PUDP: variants seen among roughly 807,000 people sequenced by gnomAD.
PUDP encodes pseudouridine 5'-phosphatase, also known as pseudouridine-5'-phosphatase.
A neutral mutation model predicts 9.4 loss-of-function variants in PUDP; 8 were observed. That is an observed-to-expected ratio of 0.85 (90% CI 0.50 to 1.53). The LOEUF is 1.53. Ranked by LOEUF, PUDP falls within the 40% of genes most tolerant of loss-of-function variation. The pLI is 0.00. For missense variants in PUDP, 188 were observed against 189.7 expected, an observed-to-expected ratio of 0.99 and a Z score of 0.05; for synonymous variants, 99 against 80.7, an observed-to-expected ratio of 1.23 and a Z score of -1.22.
intron 2 of PUDP, among the ~76,000 whole-genome samples, chrX:7,096,968 C>T (rs1277768663): frequency 9.0e-6 from 1 of 111,165 alleles, no homozygotes; most frequent in African/African-American, 3.3e-5. Flanking sequence ...TTTCATGAGA[C>T]ACACTGGAAA....
At chrX:6,752,223 T>C (rs1163274612) in intron 3 of PUDP, among the ~76,000 whole-genome samples, 1 of 111,816 alleles carries the variant, frequency 8.9e-6, no homozygotes, top group Non-Finnish European at 1.9e-5. Context: ...CTTCACTCGA[T>C]TGCTTCTTCT....
chrX:6,970,827 G>T (rs995292000), intron 3 of PUDP, among the ~76,000 whole-genome samples: 13 of 110,925 alleles, frequency 1.2e-4, no homozygotes, highest in Non-Finnish European at 2.5e-4. Flanking sequence ...ACTTTGGGAG[G>T]CTGAGGTGGG....
chrX:6,788,183 T>C (rs186498798), intron 3 of PUDP, among the ~76,000 whole-genome samples: 330 of 112,058 alleles, frequency 2.9e-3, no homozygotes, highest in Non-Finnish European at 5.0e-3. Flanking sequence ...GACCAGTCTG[T>C]TTTTCACTTT....
At chrX:6,772,130 C>T (rs1375608470) in intron 3 of PUDP, among the ~76,000 whole-genome samples, 1 of 112,210 alleles carries the variant, frequency 8.9e-6, no homozygotes, top group African/African-American at 3.2e-5. Context: ...AATCACAGTG[C>T]ACATCACTCC....
intron 3 of PUDP, among the ~76,000 whole-genome samples, chrX:6,867,282 A>G (rs1927101149): frequency 8.9e-6 from 1 of 112,162 alleles, no homozygotes. Flanking sequence ...ATGTTCAACA[A>G]CAAATGCTTT....
intron 1 of PUDP, among the ~76,000 whole-genome samples, chrX:7,024,754 C>CTT (rs55692944): frequency 0.083 from 4,531 of 54,436 alleles, 517 homozygotes; most frequent in Middle Eastern, 0.21. Flanking sequence ...GCCCGGCTAA[C>CTT]TTTTTTTTTT....
chrX:6,725,797 C>CTCTTA (rs1321477144), upstream of PUDP, among the ~76,000 whole-genome samples: 1 of 111,985 alleles, frequency 8.9e-6, no homozygotes, highest in African/African-American at 3.2e-5. Flanking sequence ...GAAAAGGGAA[C>CTCTTA]TCTTATACAC....
At chrX:7,073,870 G>A (rs180919034) in intron 3 of PUDP, among the ~76,000 whole-genome samples, 2 of 112,903 alleles carry the variant, frequency 1.8e-5, no homozygotes, top group East Asian at 5.5e-4. Flanking sequence ...TTTAAAAAAT[G>A]CAACTGCTCA....
At chrX:7,082,806 G>A (rs1328807609) in intron 2 of PUDP, among the ~76,000 whole-genome samples, 2 of 112,691 alleles carry the variant, frequency 1.8e-5, no homozygotes, top group African/African-American at 3.2e-5. Context: ...TTTCTTAGGG[G>A]CTACTTTTGC....
At chrX:6,712,100 C>T (rs892500936) in intron 1 of PUDP, among the ~76,000 whole-genome samples, 25 of 111,965 alleles carry the variant, frequency 2.2e-4, no homozygotes, top group African/African-American at 7.8e-4. Flanking sequence ...CCAAAGGATG[C>T]AATGCCCTCA....
chrX:7,142,058 C>T (rs1037258187), intron 1 of PUDP, among the ~76,000 whole-genome samples: 52 of 112,331 alleles, frequency 4.6e-4, no homozygotes, highest in African/African-American at 1.6e-3. Context: ...CAAGGAGATT[C>T]GTGTTATTTT....
At chrX:6,993,038 T>C (rs767102266) in intron 1 of PUDP, among the ~76,000 whole-genome samples, 20 of 111,898 alleles carry the variant, frequency 1.8e-4, no homozygotes, top group African/African-American at 6.2e-4. Flanking sequence ...TCTGGGGCAT[T>C]TGGCCACAGA....
chrX:6,946,694 C>T (rs1928469196), intron 3 of PUDP, among the ~76,000 whole-genome samples: 2 of 105,100 alleles, frequency 1.9e-5, no homozygotes, highest in Middle Eastern at 4.8e-3. Context: ...TACAGAAAGA[C>T]GTGAATCATA....
intron 3 of PUDP, among the ~76,000 whole-genome samples, chrX:7,056,920 C>A: frequency 8.9e-6 from 1 of 112,191 alleles, no homozygotes; most frequent in East Asian, 2.8e-4. Context: ...CTCTACCCAG[C>A]TGAAGGCTAA....
intron 3 of PUDP, among the ~76,000 whole-genome samples, chrX:6,744,722 T>C (rs943787091): frequency 8.1e-5 from 9 of 111,437 alleles, no homozygotes; most frequent in Non-Finnish European, 1.5e-4. Flanking sequence ...CTAACAGCTA[T>C]GCGATGACCC....
chrX:6,773,738 C>T (rs1391086863), intron 3 of PUDP, among the ~76,000 whole-genome samples: 1 of 111,428 alleles, frequency 9.0e-6, no homozygotes, highest in African/African-American at 3.3e-5. Flanking sequence ...CACGGCAACA[C>T]CCAGGAGTTT....
chrX:7,116,827 G>A, intron 1 of PUDP: 1 of 984,175 alleles, frequency 1.0e-6, no homozygotes, highest in Non-Finnish European at 1.4e-6. Flanking sequence ...CCTTCGCTTG[G>A]GCCATCCTCC....
intron 3 of PUDP, among the ~76,000 whole-genome samples, chrX:6,763,846 T>C (rs997447734): frequency 2.7e-5 from 3 of 112,070 alleles, no homozygotes; most frequent in Non-Finnish European, 5.6e-5. Context: ...AGATACCTTG[T>C]TCAGCAGCAA....
intron 1 of PUDP, among the ~76,000 whole-genome samples, chrX:7,018,653 T>C (rs1482209389): frequency 8.9e-6 from 1 of 112,530 alleles, no homozygotes; most frequent in African/African-American, 3.2e-5. Flanking sequence ...TTGTATTTAT[T>C]GATAAATGCA....
Sources: gnomAD v4.1 joint callset for allele counts (sites outside exome capture counted in the v4.1 genomes callset) on GRCh38, gnomAD v4.1.1 for gene constraint, MANE v1.5 for transcripts, NCBI Gene and HGNC (gene_info 2026-07-23, HGNC 2026-07-21) for gene names.